Variants in PSPC1 observed in about 807,000 individuals in gnomAD.
The protein encoded by PSPC1 is paraspeckle protein 1.
A neutral mutation model predicts 51.6 loss-of-function variants in PSPC1; 14 were observed. That is an observed-to-expected ratio of 0.27 (90% confidence interval 0.18 to 0.42). The LOEUF is 0.42. Ranked by LOEUF, PSPC1 falls within the 10% of genes least tolerant of loss-of-function variation. The pLI is 1.00. For missense variants in PSPC1, 406 were observed against 701.1 expected, an observed-to-expected ratio of 0.58 and a Z score of 4.75; for synonymous variants, 193 against 231.9, an observed-to-expected ratio of 0.83 and a Z score of 1.53.
intron 4 of PSPC1, among the ~76,000 whole-genome samples, 167 bp downstream of exon 4, chr13:19,751,104 T>G (rs1886505076): frequency 6.6e-6 from 1 of 152,028 alleles, no homozygotes; most frequent in Non-Finnish European, 1.5e-5. Flanking sequence ...TGTTCTTTTT[T>G]TTAAGGGAAG....
chr13:19,756,715 T>A (rs1004720113), intron 3 of PSPC1, among the ~76,000 whole-genome samples: 1 of 151,676 alleles, frequency 6.6e-6, no homozygotes, highest in African/African-American at 2.4e-5. Flanking sequence ...TAGGCTGGTC[T>A]CAAACTCCTG....
At chr13:19,719,823 AAATT>A (rs5802024) in intron 6 of PSPC1, among the ~76,000 whole-genome samples, 18,114 of 152,098 alleles carry the variant, frequency 0.12, 1,193 homozygotes, top group Middle Eastern at 0.16. Flanking sequence ...TATTTTACAT[AAATT>A]AATTGTTAAA....
Position 19,689,400 on chromosome 13 carries a change from G to GA in PSPC1, c.1159-11578dup, listed in dbSNP as rs1460636728. On this transcript the variant is annotated intron_variant and NMD_transcript_variant, in intron 6 of 7. Coordinates refer to the PSPC1 transcript ENST00000471658. ...TTTCATACTATAGATTAGCTATATA[G>GA]AAAAAAATGAGTTTTGGCAAACTAG... Among the ~76,000 whole-genome samples, 8 of 152,186 alleles carry GA rather than the reference G, an allele frequency of 5.3e-5. No homozygotes were observed. The South Asian group carries it at 1.0e-3, about 20-fold the overall frequency.
At chr13:19,773,181 AC>A (rs1384599311) in intron 1 of PSPC1, among the ~76,000 whole-genome samples, 2 of 152,092 alleles carry the variant, frequency 1.3e-5, no homozygotes, top group Non-Finnish European at 2.9e-5. Flanking sequence ...AAATAAAAAA[AC>A]AATAATAACT....
chr13:19,732,700 G>A (rs1169755324), intron 5 of PSPC1, among the ~76,000 whole-genome samples: 8 of 152,186 alleles, frequency 5.3e-5, no homozygotes, highest in African/African-American at 1.7e-4. Context: ...CCTGAGGCAG[G>A]TGAATCACCT....
At chr13:19,692,380 T>C (rs1016508769) in intron 6 of PSPC1, among the ~76,000 whole-genome samples, 1 of 152,154 alleles carries the variant, frequency 6.6e-6, no homozygotes, top group African/African-American at 2.4e-5. Context: ...CCTCCCAAAG[T>C]GCTCAGATTA....
intron 1 of PSPC1, among the ~76,000 whole-genome samples, chr13:19,772,758 AAAAGT>A (rs1888737072): frequency 1.3e-5 from 2 of 152,222 alleles, no homozygotes; most frequent in African/African-American, 4.8e-5. Context: ...TTGTTTTGTT[AAAAGT>A]AATCATTTAA....
chr13:19,728,867 T>C (rs2137912602), intron 6 of PSPC1, among the ~76,000 whole-genome samples: 1 of 152,286 alleles, frequency 6.6e-6, no homozygotes, highest in South Asian at 2.1e-4. Flanking sequence ...AACTTTGTGG[T>C]CTATCTACCA....
chr13:19,722,655 A>G (rs1882910452), intron 6 of PSPC1, among the ~76,000 whole-genome samples: 2 of 151,602 alleles, frequency 1.3e-5, no homozygotes, highest in South Asian at 4.2e-4. Context: ...TTAGCTGGGC[A>G]TGGTGGCGGG....
chr13:19,715,592 AATTACTTAAAAT>A (rs1486988202), intron 6 of PSPC1, among the ~76,000 whole-genome samples: 1 of 152,148 alleles, frequency 6.6e-6, no homozygotes, highest in Non-Finnish European at 1.5e-5. Context: ...TCACGCACAA[AATTACTTAAAAT>A]ATTCTACTGA....
intron 5 of PSPC1, among the ~76,000 whole-genome samples, chr13:19,740,820 T>C (rs565054575): frequency 6.6e-6 from 1 of 152,254 alleles, no homozygotes; most frequent in African/African-American, 2.4e-5. Flanking sequence ...TTGTCTATTA[T>C]GTACTGAGAT....
chr13:19,678,644 T>C (rs982683095), intron 6 of PSPC1: 1 of 152,170 alleles, frequency 6.6e-6, no homozygotes, highest in Admixed American at 6.5e-5. Context: ...ATGTGAAATA[T>C]GTATGCAGAA....
At chr13:19,704,130 T>G (rs1216890597) in intron 8 of PSPC1, among the ~76,000 whole-genome samples, 1 of 152,252 alleles carries the variant, frequency 6.6e-6, no homozygotes, top group African/African-American at 2.4e-5. Flanking sequence ...AATAAAAAAA[T>G]GGGACAGTTA....
At chr13:19,756,586 G>A (rs974554137) in intron 3 of PSPC1, among the ~76,000 whole-genome samples, 29 of 151,624 alleles carry the variant, frequency 1.9e-4, no homozygotes, top group Non-Finnish European at 3.2e-4. Flanking sequence ...CACAACCTCC[G>A]CCTCCTGGGT....
intron 5 of PSPC1, among the ~76,000 whole-genome samples, chr13:19,739,441 T>C (rs1368858864): frequency 6.6e-6 from 1 of 152,148 alleles, no homozygotes; most frequent in African/African-American, 2.4e-5. Context: ...GGTTTCGTTG[T>C]CTTTGTTAAA....
At chr13:19,775,735 T>C (rs1041454441) in intron 1 of PSPC1, among the ~76,000 whole-genome samples, 4 of 152,148 alleles carry the variant, frequency 2.6e-5, no homozygotes, top group Non-Finnish European at 4.4e-5. Context: ...TCTTAAGAGG[T>C]AGACTTTAGA....
At chr13:19,684,140 T>C (rs1366175447) in intron 6 of PSPC1, among the ~76,000 whole-genome samples, 2 of 152,152 alleles carry the variant, frequency 1.3e-5, no homozygotes, top group Non-Finnish European at 2.9e-5. Flanking sequence ...AACCTTAATT[T>C]TGTCCCCAAA....
chr13:19,775,134 C>G (rs866105498), intron 1 of PSPC1, among the ~76,000 whole-genome samples: 1 of 151,754 alleles, frequency 6.6e-6, no homozygotes, highest in Non-Finnish European at 1.5e-5. Flanking sequence ...GTCAGGAGTT[C>G]GAGACCAGCC....
chr13:19,755,606 T>C (rs1328517348), intron 3 of PSPC1, among the ~76,000 whole-genome samples: 1 of 150,320 alleles, frequency 6.7e-6, no homozygotes, highest in Non-Finnish European at 1.5e-5. Context: ...AAAAAAACAA[T>C]AGATATGAAT....
Sources: gnomAD v4.1 joint callset for allele counts (sites outside exome capture counted in the v4.1 genomes callset) on GRCh38, gnomAD v4.1.1 for gene constraint, MANE v1.5 for transcripts, NCBI Gene and HGNC (gene_info 2026-07-23, HGNC 2026-07-21) for gene names.